Variants in LARP4B observed in about 807,000 individuals in gnomAD.
LARP4B encodes la-related protein 4B.
A neutral mutation model predicts 89.8 loss-of-function variants in LARP4B; 12 were observed. The observed-to-expected ratio is 0.13, with a 90% CI of 0.09 to 0.22. LARP4B has a LOEUF of 0.22. Among genes scored for constraint, LARP4B ranks in the 10% least tolerant of loss-of-function variants. LARP4B has a pLI of 1.00. For missense variants in LARP4B, 757 were observed against 947.7 expected, an observed-to-expected ratio of 0.80 and a Z score of 2.64; for synonymous variants, 367 against 363.3, an observed-to-expected ratio of 1.01 and a Z score of -0.12.
the LARP4B span, among the ~76,000 whole-genome samples, chr10:955,316 TG>T: frequency 6.6e-6 from 1 of 152,138 alleles, no homozygotes; most frequent in Non-Finnish European, 1.5e-5. This position sits in a 1 kb window ranked among gnomAD's most constrained non-coding sequence, Gnocchi z 5.2. Context: ...CTGCAGCCCG[TG>T]GGGGGCCCAC....
chr10:820,921 C>T, intron 13 of LARP4B, 76 bp from the exon 14 acceptor site: 1 of 1,287,736 alleles, frequency 7.8e-7, no homozygotes, highest in South Asian at 1.3e-5. Context: ...TTTGCACTCA[C>T]ATAATCAAAG....
At chr10:829,163 G>A (rs892744626) in intron 11 of LARP4B, among the ~76,000 whole-genome samples, 47 of 152,220 alleles carry the variant, frequency 3.1e-4, no homozygotes, top group African/African-American at 1.1e-3. Context: ...CATGACAAGA[G>A]GGGAGACGGG....
the LARP4B span, among the ~76,000 whole-genome samples, chr10:963,207 AT>A: frequency 6.6e-6 from 1 of 152,026 alleles, no homozygotes; most frequent in African/African-American, 2.4e-5. Flanking sequence ...ATTTTTAACC[AT>A]ATGTTTAAAA....
At chr10:824,804 A>G (rs1441401539) in intron 13 of LARP4B, among the ~76,000 whole-genome samples, 1 of 152,234 alleles carries the variant, frequency 6.6e-6, no homozygotes, top group East Asian at 1.9e-4. Flanking sequence ...CTGCAGGCAC[A>G]TGGGATGGAG....
chr10:931,613 G>GCGGCGA lies in LARP4B; in HGVS notation c.-226_-225insTCGCCG, dbSNP rs1259930648. 2 of 121,082 alleles carry GCGGCGA rather than the reference G, an allele frequency of 1.7e-5. No individual in the cohort carries two copies. Among genetic ancestry groups the GCGGCGA allele is most frequent in the South Asian group, 1.9e-4 (1 of 5,240 alleles). The allele number at this position is 121,082 out of a possible 1,614,324, so 7.5% of individuals were successfully genotyped here. On this transcript the variant is annotated 5_prime_UTR_variant, in exon 1 of 18. Coordinates refer to ENST00000316157, the MANE Select transcript of LARP4B (RefSeq NM_015155.3). ...GCGCGAGCTGGCGGCGGCGGCGGCG[G>GCGGCGA]CGGATTCTTCCCCTTTCGGGCCCGA...
chr10:885,473 A>AT (rs1835827012), intron 2 of LARP4B, among the ~76,000 whole-genome samples, 168 bp downstream of exon 2: 1 of 152,136 alleles, frequency 6.6e-6, no homozygotes, highest in Non-Finnish European at 1.5e-5. Context: ...CTCAGCCATG[A>AT]TCCTCAGATG....
the LARP4B span, among the ~76,000 whole-genome samples, chr10:951,788 G>A: frequency 7.4e-6 from 1 of 134,238 alleles, no homozygotes; most frequent in Non-Finnish European, 1.7e-5. Context: ...CCTTTAAAAC[G>A]AAGAAATCAC....
At position 845,035 on chromosome 10, in the gene LARP4B, C is replaced by T; in HGVS notation, c.451G>A (p.Asp151Asn). The T allele has an allele frequency of 6.2e-7, 1 of 1,607,400 alleles. No homozygotes were observed. Among genetic ancestry groups the T allele is most frequent in the Non-Finnish European group, 8.5e-7 (1 of 1,178,520 alleles). ...SETGGNESQP[D>N]SQEDPREVLK... ...ACTTCTCGGGGGTCTTCCTGGCTGT[C>T]TGGTTGAGACTCATTTCCTCCTACA... The change falls in exon 6 of 18, where the codon GAC becomes AAC. Residue 151 changes from aspartate to asparagine, a missense_variant. This residue lies in a region of LARP4B where 54 missense variants were observed against 96.0 expected (regional missense o/e 0.56). Transcript: ENST00000316157.
intron 7 of LARP4B, among the ~76,000 whole-genome samples, chr10:839,663 G>A (rs1292038941): frequency 4.6e-5 from 7 of 152,160 alleles, no homozygotes; most frequent in Non-Finnish European, 7.3e-5. Flanking sequence ...AGAAGGATAT[G>A]GGGCAACTGG....
chr10:865,934 G>A (rs1834876958), intron 3 of LARP4B, among the ~76,000 whole-genome samples: 1 of 152,214 alleles, frequency 6.6e-6, no homozygotes. Context: ...ACCAGTTTCT[G>A]CGGCCCAGAA....
At chr10:841,467 G>A (rs1014134437) in intron 7 of LARP4B, among the ~76,000 whole-genome samples, 7 of 152,246 alleles carry the variant, frequency 4.6e-5, no homozygotes, top group African/African-American at 1.7e-4. Flanking sequence ...CTATGGGCAG[G>A]TGGGCTCTGT....
In LARP4B at chr10:869,942, AT is replaced by A. The variant is rs1281100351; in HGVS notation, c.142-5673del. 4.1e-3 allele frequency: 802 copies of A among 193,572 alleles called. 8 individuals are homozygous for A. The highest frequency in any genetic ancestry group is 6.2e-3 in the Non-Finnish European group (674 of 109,442). The allele number at this position is 193,572 out of a possible 1,614,324, so 12.0% of individuals were successfully genotyped here. A position where few individuals can be genotyped will look rare whatever the true frequency, so the allele number is the denominator to read the frequency against. The stretch of plus-strand genomic sequence containing the variant: ...AATAATAATAATAATAATAATAATA[AT>A]AATAATAAATTAAAATGTATAGCCC... On this transcript the variant is annotated intron_variant, in intron 3 of 17. Coordinates refer to ENST00000316157, the MANE Select transcript of LARP4B (RefSeq NM_015155.3).
intron 14 of LARP4B, chr10:818,576 A>C (rs540660287): frequency 5.9e-5 from 9 of 152,282 alleles, no homozygotes; most frequent in Non-Finnish European, 1.2e-4. Flanking sequence ...TTGTAAGCCC[A>C]AATCTCAGAA....
intron 3 of LARP4B, among the ~76,000 whole-genome samples, chr10:871,662 G>A (rs1835205508): frequency 6.6e-6 from 1 of 152,046 alleles, no homozygotes; most frequent in Non-Finnish European, 1.5e-5. Flanking sequence ...ACAGGTTCCG[G>A]CTCCCAGCAG....
At position 864,208 on chromosome 10, in the gene LARP4B, T is replaced by G; in HGVS notation, c.204A>C (p.Leu68Phe). Residue 68 changes from leucine (L) to phenylalanine (F), a missense_variant, in exon 4 of 18, where the codon TTA becomes TTC. Physicochemically the swap from Leu to Phe is conservative, Grantham distance 22. Transcript: ENST00000316157. ...PNAEVWGAPV[L>F]HLEASSAADG... ...CAGCAGCACTGCTTGCTTCCAGATG[T>G]AACACAGGAGCCCCCCACACTTCTG... 3 of 1,614,194 alleles carry G rather than the reference T, an allele frequency of 1.9e-6. No individual in the cohort carries two copies. Among genetic ancestry groups the G allele is most frequent in the Non-Finnish European group, 2.5e-6 (3 of 1,180,020 alleles).
At chr10:844,917 T>G in intron 6 of LARP4B, 60 bp downstream of exon 6, 1 of 1,257,710 alleles carries the variant, frequency 8.0e-7, no homozygotes, top group East Asian at 2.3e-5. Flanking sequence ...TTGTATATAC[T>G]TTAACTATTT....
chr10:914,660 T>C (rs1836769258), intron 1 of LARP4B, among the ~76,000 whole-genome samples: 1 of 151,440 alleles, frequency 6.6e-6, no homozygotes, highest in Admixed American at 6.6e-5. Context: ...CTGGGCATGG[T>C]GGCGCATGCC....
intron 15 of LARP4B, among the ~76,000 whole-genome samples, chr10:816,179 A>C (rs1588844123): frequency 6.6e-6 from 1 of 152,252 alleles, no homozygotes; most frequent in South Asian, 2.1e-4. Flanking sequence ...CAGGGAGCCA[A>C]GGTCGTGCCA....
chr10:866,178 A>T (rs1588937904), intron 3 of LARP4B, among the ~76,000 whole-genome samples: 1 of 152,226 alleles, frequency 6.6e-6, no homozygotes, highest in Non-Finnish European at 1.5e-5. Flanking sequence ...AGGTGTTTAA[A>T]TGAGTATCTA....
Sources: gnomAD v4.1 joint callset for allele counts (sites outside exome capture counted in the v4.1 genomes callset) on GRCh38, gnomAD v4.1.1 for gene constraint, gnomAD v4.1.1 regional missense constraint, Gnocchi (gnomAD v3.1) non-coding constraint, MANE v1.5 for transcripts, NCBI Gene and HGNC (gene_info 2026-07-23, HGNC 2026-07-21) for gene names.